The following BEGAIN variants were observed in gnomAD, a reference collection of about 807,000 sequenced individuals.
BEGAIN encodes the protein brain enriched guanylate kinase associated.
Under a neutral mutation model 35.8 loss-of-function variants are expected in BEGAIN, and 19 were observed. That is an observed-to-expected ratio of 0.53 (90% confidence interval 0.37 to 0.78). The LOEUF is 0.78. Ranked by LOEUF, BEGAIN falls within the 30% of genes least tolerant of loss-of-function variation. The pLI, the probability that BEGAIN is intolerant of heterozygous loss-of-function variation, is 0.00. For missense variants in BEGAIN, 795 were observed against 853.6 expected (o/e 0.93, Z 0.85); for synonymous variants, 462 against 388.6 (o/e 1.19, Z -2.22).
At chr14:100,566,805 T>TGGG (rs1392343032) in intron 2 of BEGAIN, among the ~76,000 whole-genome samples, 3 of 152,152 alleles carry the variant, frequency 2.0e-5, no homozygotes, top group Non-Finnish European at 4.4e-5. Context: ...GGACCCACAG[T>TGGG]GGGGGCTGCA....
intron 1 of BEGAIN, among the ~76,000 whole-genome samples, chr14:100,575,623 T>G (rs1255253848): frequency 6.6e-6 from 1 of 152,078 alleles, no homozygotes; most frequent in Non-Finnish European, 1.5e-5. Flanking sequence ...CATCATGAGA[T>G]ACGATCCTGG....
At chr14:100,562,717 C>G (rs1007786931) in intron 2 of BEGAIN, among the ~76,000 whole-genome samples, 1 of 152,196 alleles carries the variant, frequency 6.6e-6, no homozygotes, top group Non-Finnish European at 1.5e-5. Flanking sequence ...GGTGCCTTGA[C>G]CCGGTGGCAC....
At chr14:100,561,334 C>T (rs1169500040) in intron 2 of BEGAIN, among the ~76,000 whole-genome samples, 2 of 152,202 alleles carry the variant, frequency 1.3e-5, no homozygotes, top group African/African-American at 4.8e-5. Flanking sequence ...AACAGCAAGG[C>T]CCAGCTCACA....
At chr14:100,544,920 G>A in intron 4 of BEGAIN, 80 bp downstream of exon 4, 2 of 1,391,338 alleles carry the variant, frequency 1.4e-6, no homozygotes, top group Non-Finnish European at 2.0e-6. Context: ...GCTCCTGAGT[G>A]GCCCAGGGGT....
intron 1 of BEGAIN, among the ~76,000 whole-genome samples, chr14:100,580,849 T>C (rs1438933959): frequency 6.6e-6 from 1 of 152,130 alleles, no homozygotes; most frequent in Non-Finnish European, 1.5e-5. Context: ...AGGCTGTCAG[T>C]TCACAAACAT....
intron 3 of BEGAIN, chr14:100,546,120 T>A (rs949876648): frequency 5.8e-6 from 1 of 171,146 alleles, no homozygotes; most frequent in Admixed American, 6.0e-5. Flanking sequence ...GACACAGCTT[T>A]TCCCATCAGG....
intron 1 of BEGAIN, chr14:100,577,648 C>T (rs375782645): frequency 5.0e-6 from 2 of 398,978 alleles, no homozygotes; most frequent in African/African-American, 2.1e-5. Flanking sequence ...CTCCCGCCAG[C>T]GGCCCAGGCG....
chr14:100,562,582 A>T, intron 2 of BEGAIN, among the ~76,000 whole-genome samples: 1 of 145,848 alleles, frequency 6.9e-6, no homozygotes. Context: ...CCATCAGCAG[A>T]CCCCGTCGCT....
intron 2 of BEGAIN, 115 bp from the exon 3 acceptor site, chr14:100,546,777 C>A: frequency 1.6e-6 from 1 of 635,918 alleles, no homozygotes. Context: ...CGCGCGCGCG[C>A]GCGCACACAC....
chr14:100,575,407 T>G (rs144621415), intron 1 of BEGAIN, among the ~76,000 whole-genome samples: 2 of 152,118 alleles, frequency 1.3e-5, no homozygotes, highest in African/African-American at 4.8e-5. Flanking sequence ...TGGGCCAGGG[T>G]CCTTCCCCAG....
intron 1 of BEGAIN, among the ~76,000 whole-genome samples, chr14:100,579,268 A>G (rs1188187609): frequency 1.3e-5 from 2 of 152,228 alleles, no homozygotes; most frequent in Non-Finnish European, 2.9e-5. Context: ...AATGATATAC[A>G]GGGTTAGGGT....
At chr14:100,539,350 A>G (rs1366502334) in intron 6 of BEGAIN, 35 bp from the exon 7 acceptor site, 3 of 1,520,426 alleles carry the variant, frequency 2.0e-6, no homozygotes, top group South Asian at 2.6e-5. Flanking sequence ...CGGCGGGTAC[A>G]GGGTCACTGT....
intron 1 of BEGAIN, among the ~76,000 whole-genome samples, chr14:100,585,459 T>TCCA (rs2035424917): frequency 3.6e-5 from 5 of 140,144 alleles, no homozygotes; most frequent in Admixed American, 2.1e-4. Flanking sequence ...CATCCATCCA[T>TCCA]TCATCCATCC....
chr14:100,568,432 A>G lies in BEGAIN; in HGVS notation c.43-493T>C, dbSNP rs1416520049. On this transcript the variant is annotated intron_variant, in intron 1 of 6. Transcript: ENST00000554140. This position sits in a 1 kb window ranked among gnomAD's most constrained non-coding sequence, Gnocchi z 7.5. ...ATTCGGGGCCGTGCAGGATTGCAGA[A>G]CCTGACACTCACACAATCCGAGGGC... is the stretch of plus-strand genomic sequence containing the variant. 2 of 1,282,666 alleles carry G rather than the reference A, an allele frequency of 1.6e-6. No homozygotes were observed. Among genetic ancestry groups the G allele is most frequent in the African/African-American group, 3.1e-5 (2 of 65,546 alleles). 79.5% of individuals were successfully genotyped at this position (1,282,666 alleles called of 1,614,324 possible).
Position 100,538,912 on chromosome 14 carries a change from G to T in BEGAIN, c.896C>A (p.Ala299Glu), listed in dbSNP as rs141153621. The T allele has an allele frequency of 2.5e-6, 4 of 1,607,156 alleles. No homozygotes were observed. The highest frequency in any genetic ancestry group is 2.7e-5 in the African/African-American group (2 of 74,812). ...EEEAEAAAFP[A>E]GFQHEAFPSY... ...GGGGAAGGCCTCATGCTGGAAGCCC[G>T]CCGGGAAGGCCGCCGCCTCGGCCTC... The change falls in exon 7 of 7, where the codon GCG (alanine) becomes GAG (glutamate). Residue 299 changes from alanine (A) to glutamate (E), a missense_variant. By Grantham distance (107) the Ala-to-Glu change is moderately radical (BLOSUM62 -1). Coordinates refer to ENST00000554140, the MANE Select transcript of BEGAIN (RefSeq NM_001385089.1).
At chr14:100,555,298 C>T (rs531176744) in intron 2 of BEGAIN, among the ~76,000 whole-genome samples, 109 of 152,380 alleles carry the variant, frequency 7.2e-4, no homozygotes, top group Non-Finnish European at 1.3e-3. Context: ...AGAATCGCCT[C>T]GCCTGGCGGA....
At chr14:100,574,705 G>T (rs2035166237) in intron 1 of BEGAIN, among the ~76,000 whole-genome samples, 1 of 152,154 alleles carries the variant, frequency 6.6e-6, no homozygotes, top group South Asian at 2.1e-4. Context: ...CACCTTGGGG[G>T]TCCCCCATTC....
At chr14:100,561,898 C>T (rs1172105920) in intron 2 of BEGAIN, among the ~76,000 whole-genome samples, 1 of 152,076 alleles carries the variant, frequency 6.6e-6, no homozygotes, top group African/African-American at 2.4e-5. Context: ...GTAACCCCAA[C>T]CCCCCAAGTT....
chr14:100,561,974 T>C (rs61992987), intron 2 of BEGAIN, among the ~76,000 whole-genome samples: 78 of 152,246 alleles, frequency 5.1e-4, no homozygotes, highest in Non-Finnish European at 1.0e-3. Context: ...GTCAGTGTCT[T>C]GGTTCCTCAC....
Sources: allele counts gnomAD v4.1 joint callset (sites outside exome capture counted in the v4.1 genomes callset), GRCh38; gene constraint gnomAD v4.1.1; non-coding constraint Gnocchi (gnomAD v3.1); transcripts MANE v1.5; gene names NCBI Gene and HGNC (gene_info 2026-07-23, HGNC 2026-07-21).